Variants in PACSIN1 observed in about 807,000 individuals in gnomAD.
PACSIN1 encodes protein kinase C and casein kinase substrate in neurons 1.
In PACSIN1, 15 loss-of-function variants were observed where a neutral mutation model predicts 59.5. That is an observed-to-expected ratio of 0.25 (90% CI 0.17 to 0.39). The LOEUF (loss-of-function observed/expected upper bound fraction) is 0.39. Ranked by LOEUF, PACSIN1 falls within the 10% of genes least tolerant of loss-of-function variation. PACSIN1 has a pLI of 1.00. For synonymous variants in PACSIN1, 210 were observed against 220.6 expected (o/e 0.95, Z 0.42); for missense variants, 420 against 580.2 (o/e 0.72, Z 2.84).
chr6:34,510,775 C>A (rs375999689), intron 1 of PACSIN1, among the ~76,000 whole-genome samples: 10 of 152,168 alleles, frequency 6.6e-5, no homozygotes, highest in African/African-American at 2.4e-4. Flanking sequence ...TGCAGTGATG[C>A]GATCACGGCT....
At chr6:34,483,021 T>TTTTTTTTTTA (rs1766743279) in intron 1 of PACSIN1, among the ~76,000 whole-genome samples, 1 of 149,162 alleles carries the variant, frequency 6.7e-6, no homozygotes, top group East Asian at 2.0e-4. Context: ...TTTTTTTTTT[T>TTTTTTTTTTA]GAAACAAGGT....
intron 1 of PACSIN1, among the ~76,000 whole-genome samples, chr6:34,495,065 C>T (rs552498719): frequency 1.3e-5 from 2 of 152,128 alleles, no homozygotes; most frequent in Non-Finnish European, 1.5e-5. Context: ...TCTGCCAGCT[C>T]GCTTGTCTTT....
In PACSIN1 at chr6:34,527,494, C is replaced by A; in HGVS notation, c.220+6C>A. On this transcript the variant is annotated splice_donor_region_variant and intron_variant, in intron 3 of 9. Coordinates refer to ENST00000244458, the MANE Select transcript of PACSIN1 (RefSeq NM_020804.5). ...GCGCCAGCTCATCGAGAAAGGTGCTCCCCCAGGCTCACATCGTGCGCGCCC... is the reference window on the plus strand; with the variant it reads ...GCGCCAGCTCATCGAGAAAGGTGCTACCCCAGGCTCACATCGTGCGCGCCC... 1 of 1,583,946 alleles carries A rather than the reference C, an allele frequency of 6.3e-7. No individual in the cohort carries two copies. The highest frequency in any genetic ancestry group is 8.6e-7 in the Non-Finnish European group (1 of 1,167,116).
rs903683584 is a variant in PACSIN1, at chr6:34,516,067, G to A, written c.-63-10176G>A. On this transcript the variant is annotated intron_variant, in intron 1 of 9. Coordinates refer to ENST00000244458, the MANE Select transcript of PACSIN1 (RefSeq NM_020804.5). This position sits in a 1 kb window ranked among gnomAD's most constrained non-coding sequence, Gnocchi z 5.4. The stretch of plus-strand genomic sequence containing the variant: ...AGGGAGGAGATGCTAGCCTGCAAGG[G>A]GCAGAAGGTTGATGTGTGCAACTAT... 6.6e-6 allele frequency among the ~76,000 whole-genome samples: 1 copy of A among 152,138 alleles called. No individual in the cohort carries two copies. Among genetic ancestry groups the A allele is most frequent in the South Asian group, 2.1e-4 (1 of 4,832 alleles).
At chr6:34,481,728 T>G (rs1766723169) in intron 1 of PACSIN1, among the ~76,000 whole-genome samples, 1 of 152,070 alleles carries the variant, frequency 6.6e-6, no homozygotes, top group Non-Finnish European at 1.5e-5. Flanking sequence ...ATGTTCTACG[T>G]TCCTCAGAGC....
chr6:34,529,415 G>T lies in PACSIN1; in HGVS notation c.475G>T (p.Ala159Ser), dbSNP rs768217879. The T allele has an allele frequency of 1.2e-5, 20 of 1,614,022 alleles. No individual in the cohort carries two copies. The highest frequency in any genetic ancestry group is 5.0e-5 in the Admixed American group (3 of 60,002). ...KMKELEAAKK[A>S]YHLACKEEKL... The stretch of plus-strand genomic sequence containing the variant: ...CCCACAGCTGGAGGCAGCCAAGAAG[G>T]CCTACCATTTGGCTTGCAAAGAGGA... The change falls in exon 5 of 10, where the codon GCC (alanine) becomes TCC (serine). Residue 159 changes from alanine to serine, a missense_variant. Ala to Ser is a moderately conservative substitution (Grantham distance 99). Coordinates refer to ENST00000244458, the MANE Select transcript of PACSIN1 (RefSeq NM_020804.5). This position sits in a 1 kb window ranked among gnomAD's most constrained non-coding sequence, Gnocchi z 6.3.
intron 1 of PACSIN1, among the ~76,000 whole-genome samples, chr6:34,512,026 G>T (rs1235207985): frequency 2.0e-5 from 3 of 152,086 alleles, no homozygotes; most frequent in African/African-American, 7.2e-5. Flanking sequence ...CTGAGGTTGG[G>T]CATGGAGTGT....
intron 1 of PACSIN1, among the ~76,000 whole-genome samples, chr6:34,503,066 G>C (rs1271454878): frequency 6.6e-6 from 1 of 152,018 alleles, no homozygotes; most frequent in East Asian, 1.9e-4. Flanking sequence ...ATTCAGGCCA[G>C]GCACAGGGCA....
chr6:34,506,147 T>G (rs1262150109), intron 1 of PACSIN1, among the ~76,000 whole-genome samples: 1 of 152,228 alleles, frequency 6.6e-6, no homozygotes, highest in African/African-American at 2.4e-5. Context: ...TGTCTTGGTG[T>G]TGTTGGCATC....
At chr6:34,506,400 A>G (rs1278783216) in intron 1 of PACSIN1, among the ~76,000 whole-genome samples, 1 of 152,022 alleles carries the variant, frequency 6.6e-6, no homozygotes, top group Non-Finnish European at 1.5e-5. Context: ...CATTTTGTAG[A>G]GACAGGGTCT....
chr6:34,466,304 G>A (rs962120869), intron 1 of PACSIN1, 34 bp downstream of exon 1: 15 of 152,396 alleles, frequency 9.8e-5, no homozygotes, highest in African/African-American at 3.6e-4. Context: ...GAGGGCGGGG[G>A]GGTTGTGTGT....
chr6:34,506,917 C>T (rs949966433), intron 1 of PACSIN1, among the ~76,000 whole-genome samples: 1 of 152,092 alleles, frequency 6.6e-6, no homozygotes, highest in African/African-American at 2.4e-5. Flanking sequence ...GTCACCCTGG[C>T]GGTGGGGGAT....
rs975439970 is a variant in PACSIN1 at position 34,515,916 on chromosome 6, G to C, written c.-63-10327G>C. On this transcript the variant is annotated intron_variant, in intron 1 of 9. Transcript: ENST00000244458. This position sits in a 1 kb window ranked among gnomAD's most constrained non-coding sequence, Gnocchi z 4.4. ...GGAGGGGGCAGGGTGGGGTGCAGGG[G>C]AGGAGCTGGGCCCTCTGCCCCAACT... 1.3e-5 allele frequency among the ~76,000 whole-genome samples: 2 copies of C among 152,042 alleles called. No homozygotes were observed. The highest frequency in any genetic ancestry group is 2.9e-5 in the Non-Finnish European group (2 of 67,988).
chr6:34,513,793 C>T (rs1258990962), intron 1 of PACSIN1, among the ~76,000 whole-genome samples: 6 of 152,104 alleles, frequency 3.9e-5, no homozygotes. Context: ...AGCTGAGACA[C>T]TGCTGAGATC....
chr6:34,467,099 A>ATTGCCCC (rs141972316), intron 1 of PACSIN1, among the ~76,000 whole-genome samples: 3,279 of 152,114 alleles, frequency 0.022, 51 homozygotes, highest in South Asian at 0.032. Flanking sequence ...AATAACCCAC[A>ATTGCCCC]TTGCCCCAGC....
chr6:34,528,500 C>T (rs555656687), intron 3 of PACSIN1, 142 bp from the exon 4 acceptor site: 2 of 674,210 alleles, frequency 3.0e-6, no homozygotes, highest in Non-Finnish European at 5.2e-6. Context: ...GATGTGGGCC[C>T]TAGAGGATGG....
In PACSIN1 at chr6:34,529,478, G is replaced by A. The variant is rs367789718; in HGVS notation, c.538G>A (p.Glu180Lys). 1 of 1,614,050 alleles carries A rather than the reference G, an allele frequency of 6.2e-7. No homozygotes were observed. The highest frequency in any genetic ancestry group is 8.5e-7 in the Non-Finnish European group (1 of 1,180,040). ...GACACGGGAGATGAACAGCAAGACG[G>A]AGCAATCGGTCACACCTGAGCAGCA... ...AMTREMNSKTEQSVTPEQQKK... is the reference protein window; with the variant it reads ...AMTREMNSKTKQSVTPEQQKK... Residue 180 changes from glutamate to lysine, a missense_variant, in exon 5 of 10, where the codon GAG becomes AAG. Physicochemically the swap from Glu to Lys is moderately conservative, Grantham distance 56. Transcript: ENST00000244458. This position sits in a 1 kb window ranked among gnomAD's most constrained non-coding sequence, Gnocchi z 6.3.
chr6:34,520,644 G>A (rs1296629721), intron 1 of PACSIN1, among the ~76,000 whole-genome samples: 2 of 152,216 alleles, frequency 1.3e-5, no homozygotes, highest in African/African-American at 4.8e-5. Flanking sequence ...CGCTCACAAT[G>A]GCACACAGTA....
chr6:34,501,157 T>C (rs1026750893), intron 1 of PACSIN1, among the ~76,000 whole-genome samples: 1 of 152,242 alleles, frequency 6.6e-6, no homozygotes, highest in Non-Finnish European at 1.5e-5. Context: ...AACTTTTTCT[T>C]TGCATTAACA....
Sources: gnomAD v4.1 joint callset for allele counts (sites outside exome capture counted in the v4.1 genomes callset) on GRCh38, gnomAD v4.1.1 for gene constraint, Gnocchi (gnomAD v3.1) non-coding constraint, MANE v1.5 for transcripts, NCBI Gene and HGNC (gene_info 2026-07-23, HGNC 2026-07-21) for gene names.